The following SLC13A1 variants were observed in gnomAD, a reference collection of about 807,000 sequenced individuals.
SLC13A1 encodes the protein Na(+)/sulfate cotransporter.
Under a neutral mutation model 70.0 loss-of-function variants are expected in SLC13A1, and 65 were observed. The ratio of observed to expected loss-of-function variants is 0.93; its 90% CI spans 0.76 to 1.14. The LOEUF is 1.14. SLC13A1 is among the 50% of genes most tolerant of loss of function. The probability of loss-of-function intolerance (pLI) is 0.00; values close to 1 mark genes in which losing one functional copy is unlikely to be tolerated. For synonymous variants in SLC13A1, 275 were observed against 250.5 expected (o/e 1.10, Z -0.92); for missense variants, 726 against 717.8 (o/e 1.01, Z -0.13).
At chr7:123,141,458 T>C (rs1374429020) in intron 7 of SLC13A1, among the ~76,000 whole-genome samples, 2 of 152,170 alleles carry the variant, frequency 1.3e-5, no homozygotes, top group Non-Finnish European at 2.9e-5. Flanking sequence ...GTCCAATGTT[T>C]CTTTGTTGAT....
intron 6 of SLC13A1, among the ~76,000 whole-genome samples, chr7:123,156,760 G>A (rs1201464449): frequency 6.6e-6 from 1 of 151,840 alleles, no homozygotes. Flanking sequence ...TCTTCTCCAT[G>A]CCTTCTCTTT....
intron 8 of SLC13A1, among the ~76,000 whole-genome samples, chr7:123,133,746 T>G (rs1793850387): frequency 6.6e-6 from 1 of 151,966 alleles, no homozygotes; most frequent in Middle Eastern, 3.2e-3. Context: ...TGACCAGGAT[T>G]GTGTCGATAT....
intron 14 of SLC13A1, 23 bp from the exon 15 acceptor site, chr7:123,115,678 T>C: frequency 6.2e-7 from 1 of 1,612,036 alleles, no homozygotes; most frequent in Non-Finnish European, 8.5e-7. Flanking sequence ...AGAGCATAAA[T>C]GTCAGTGTCC....
At position 123,158,643 on chromosome 7, in the gene SLC13A1, T is replaced by TCA. The variant is rs542142015; in HGVS notation, c.660+9729_660+9730dup. 4.5e-3 allele frequency among the ~76,000 whole-genome samples: 682 copies of TCA among 150,506 alleles called. 2 individuals are homozygous for TCA. Among genetic ancestry groups the TCA allele is most frequent in the Non-Finnish European group, 7.0e-3 (473 of 67,378 alleles). ...TTAGGCATAGCAAAGTAAAATTCTA[T>TCA]CACACACACACACACATATACACAC... is the stretch of plus-strand genomic sequence containing the variant. On this transcript the variant is annotated intron_variant, in intron 6 of 14. Transcript: ENST00000194130.
In SLC13A1 at chr7:123,115,671, G is replaced by A. The variant is rs762194390; in HGVS notation, c.1651-16C>T. 33 of 1,612,414 alleles carry A rather than the reference G, an allele frequency of 2.0e-5. No homozygotes were observed. The Admixed American group carries it at 4.5e-4, about 22-fold the overall frequency. The stretch of plus-strand genomic sequence containing the variant: ...CAGCTTTAACCTTGAACAGGAAAGA[G>A]CATAAATGTCAGTGTCCCAGAAGAA... On this transcript the variant is annotated splice_polypyrimidine_tract_variant and intron_variant, in intron 14 of 14. Coordinates refer to ENST00000194130, the MANE Select transcript of SLC13A1 (RefSeq NM_022444.4).
chr7:123,193,826 T>C (rs540599776), intron 1 of SLC13A1, among the ~76,000 whole-genome samples: 38 of 152,218 alleles, frequency 2.5e-4, no homozygotes, highest in African/African-American at 8.4e-4. Context: ...ATAAAACATA[T>C]TATGGGAGGA....
intron 1 of SLC13A1, among the ~76,000 whole-genome samples, chr7:123,192,997 T>C (rs180832647): frequency 7.1e-4 from 108 of 152,186 alleles, no homozygotes; most frequent in African/African-American, 2.4e-3. Flanking sequence ...AAATTTTTAG[T>C]TCCTCCTTTT....
chr7:123,117,580 T>C lies in SLC13A1; in HGVS notation c.1541A>G (p.Tyr514Cys), dbSNP rs761340356. 4.9e-5 allele frequency: 79 copies of C among 1,609,710 alleles called. No individual in the cohort carries two copies. Among genetic ancestry groups the C allele is most frequent in the Middle Eastern group, 1.6e-4 (1 of 6,070 alleles). ...ACACAGAGTAGAAGGTATCAGAATA[T>C]AAAGAGGGTTCACATGAATGGCTTC... ...LAEAIHVNPL[Y>C]ILIPSTLCTS... Residue 514 changes from tyrosine to cysteine, a missense_variant, in exon 14 of 15, where the codon TAT (tyrosine) becomes TGT (cysteine). Physicochemically the swap from Tyr to Cys is radical, Grantham distance 194. Coordinates refer to ENST00000194130, the MANE Select transcript of SLC13A1 (RefSeq NM_022444.4).
intron 1 of SLC13A1, among the ~76,000 whole-genome samples, chr7:123,196,482 G>T (rs1000255461): frequency 6.6e-6 from 1 of 152,030 alleles, no homozygotes; most frequent in Non-Finnish European, 1.5e-5. Context: ...GGAAAAATCT[G>T]TGTAGCCAGA....
At chr7:123,145,432 G>A (rs1263465963) in intron 7 of SLC13A1, among the ~76,000 whole-genome samples, 2 of 152,158 alleles carry the variant, frequency 1.3e-5, no homozygotes, top group Non-Finnish European at 2.9e-5. Context: ...GTGAATGATG[G>A]AAACCAGCAG....
intron 1 of SLC13A1, among the ~76,000 whole-genome samples, chr7:123,191,270 T>C (rs570273974): frequency 6.6e-6 from 1 of 152,288 alleles, no homozygotes; most frequent in East Asian, 1.9e-4. Flanking sequence ...GGGCAGTGTT[T>C]GCTTCCTGTG....
At chr7:123,167,224 C>T (rs1026286478) in intron 6 of SLC13A1, among the ~76,000 whole-genome samples, 11 of 152,118 alleles carry the variant, frequency 7.2e-5, no homozygotes, top group Admixed American at 5.2e-4. Flanking sequence ...AAATCAGGCA[C>T]ATAAAGCCCA....
intron 6 of SLC13A1, among the ~76,000 whole-genome samples, chr7:123,147,686 T>G (rs1794411930): frequency 1.3e-5 from 2 of 152,296 alleles, no homozygotes; most frequent in South Asian, 4.1e-4. Context: ...TTTTATTGTT[T>G]AAGCCACTTA....
intron 11 of SLC13A1, among the ~76,000 whole-genome samples, chr7:123,124,536 A>G (rs1225495837): frequency 6.6e-6 from 1 of 152,174 alleles, no homozygotes; most frequent in East Asian, 1.9e-4. Context: ...CCCCATAAGA[A>G]CAAACAAACA....
intron 13 of SLC13A1, among the ~76,000 whole-genome samples, chr7:123,117,995 T>TTA (rs1178556919): frequency 6.6e-6 from 1 of 151,300 alleles, no homozygotes; most frequent in African/African-American, 2.4e-5. Context: ...TGTCACATAT[T>TTA]TATATATATA....
rs1371484447 is a variant in SLC13A1 at position 123,189,480 on chromosome 7, C to T, written c.100-8379G>A. Among the ~76,000 whole-genome samples the T allele has an allele frequency of 2.6e-5, 4 of 152,036 alleles. No individual in the cohort carries two copies. In the East Asian group the frequency reaches 5.8e-4, roughly 22 times the overall value. Reference sequence around the variant, plus strand: ...ATAAGGTTTACAATCTGTATGACAACTCCTTCATCTTATATGTTTTTCAAA... The same window carrying T: ...ATAAGGTTTACAATCTGTATGACAATTCCTTCATCTTATATGTTTTTCAAA... On this transcript the variant is annotated intron_variant, in intron 1 of 14. Coordinates refer to ENST00000194130, the MANE Select transcript of SLC13A1 (RefSeq NM_022444.4).
chr7:123,186,665 A>G (rs1020546484), intron 1 of SLC13A1: 13 of 451,430 alleles, frequency 2.9e-5, no homozygotes, highest in African/African-American at 2.6e-4. Context: ...AATTAAGAGT[A>G]TGAGTGAATC....
chr7:123,194,349 A>T (rs1381022747), intron 1 of SLC13A1, among the ~76,000 whole-genome samples: 2 of 152,120 alleles, frequency 1.3e-5, no homozygotes, highest in Non-Finnish European at 2.9e-5. Context: ...GAAACTGCAA[A>T]TAGTGAAGTA....
intron 1 of SLC13A1, among the ~76,000 whole-genome samples, chr7:123,188,034 C>T (rs901399608): frequency 1.3e-5 from 2 of 152,066 alleles, no homozygotes; most frequent in Non-Finnish European, 2.9e-5. Context: ...CTTTTTGTCC[C>T]CACCCAAATC....
Sources: allele counts gnomAD v4.1 joint callset (sites outside exome capture counted in the v4.1 genomes callset), GRCh38; gene constraint gnomAD v4.1.1; transcripts MANE v1.5; gene names NCBI Gene and HGNC (gene_info 2026-07-23, HGNC 2026-07-21).